The following SMAD9 variants were observed in gnomAD, a reference collection of about 807,000 sequenced individuals.
SMAD9 encodes the protein SMAD family member 9, also known as MAD homolog 9.
In SMAD9, 36 loss-of-function variants were observed where a neutral mutation model predicts 46.1. The observed-to-expected ratio is 0.78, with a 90% CI of 0.60 to 1.03. The LOEUF (loss-of-function observed/expected upper bound fraction) is 1.03, where lower values mean the gene tolerates loss of function less well. SMAD9 is among the 50% of genes least tolerant of loss of function. SMAD9 has a pLI of 0.00. For synonymous variants in SMAD9, 245 were observed against 237.1 expected, an observed-to-expected ratio of 1.03 and a Z score of -0.31; for missense variants, 572 against 599.8, an observed-to-expected ratio of 0.95 and a Z score of 0.48.
intron 5 of SMAD9, among the ~76,000 whole-genome samples, chr13:36,856,310 C>T (rs1394908369): frequency 6.6e-6 from 1 of 152,182 alleles, no homozygotes; most frequent in Non-Finnish European, 1.5e-5. Flanking sequence ...CCTCTCAAAA[C>T]CTATTACATA....
intron 5 of SMAD9, among the ~76,000 whole-genome samples, chr13:36,861,209 C>A (rs1175104618): frequency 6.6e-6 from 1 of 152,254 alleles, no homozygotes; most frequent in African/African-American, 2.4e-5. Context: ...TTTAGCAGGG[C>A]CAGCCATTTA....
At position 36,886,064 on chromosome 13, in the gene SMAD9, A is replaced by G. The variant is rs1283826370; in HGVS notation, c.-186-6189T>C. Among the ~76,000 whole-genome samples, 7 of 152,314 alleles carry G rather than the reference A, an allele frequency of 4.6e-5. No individual in the cohort carries two copies. The East Asian group carries it at 9.7e-4, about 21-fold the overall frequency. On this transcript the variant is annotated intron_variant, in intron 1 of 6. Coordinates refer to ENST00000379826, the MANE Select transcript of SMAD9 (RefSeq NM_001127217.3). ...CCAACGCATATTGACTATCTTCATG[A>G]TAAGTGCCTTAAGTACATTTACTCA...
At chr13:36,867,543 T>C (rs1300969982) in intron 3 of SMAD9, among the ~76,000 whole-genome samples, 160 bp from the exon 4 acceptor site, 4 of 152,206 alleles carry the variant, frequency 2.6e-5, no homozygotes, top group African/African-American at 9.6e-5. Context: ...GAAGTGACAC[T>C]GTGAGTACCC....
chr13:36,866,182 C>A (rs2058232639), intron 4 of SMAD9, among the ~76,000 whole-genome samples: 1 of 151,418 alleles, frequency 6.6e-6, no homozygotes, highest in Admixed American at 6.6e-5. Context: ...ATCCTTGTGG[C>A]AAAAAGTATC....
chr13:36,857,203 C>T (rs1305957383), intron 5 of SMAD9, among the ~76,000 whole-genome samples: 1 of 121,522 alleles, frequency 8.2e-6, no homozygotes, highest in Non-Finnish European at 1.6e-5. Flanking sequence ...TTAAAAGAGA[C>T]ATCACACCTG....
chr13:36,883,300 G>A (rs1165045737), intron 1 of SMAD9, among the ~76,000 whole-genome samples: 1 of 152,114 alleles, frequency 6.6e-6, no homozygotes, highest in Non-Finnish European at 1.5e-5. Context: ...CAGGAGGGGC[G>A]ATTAATATTT....
chr13:36,881,422 T>C (rs1393485529), intron 1 of SMAD9, among the ~76,000 whole-genome samples: 1 of 152,254 alleles, frequency 6.6e-6, no homozygotes, highest in Non-Finnish European at 1.5e-5. Context: ...AAGCTGTACC[T>C]TTCTGAGTCC....
chr13:36,878,728 GTTGTTTGGGGCGGGGGGAGGA>G (rs921749105), intron 2 of SMAD9, among the ~76,000 whole-genome samples: 10 of 152,010 alleles, frequency 6.6e-5, no homozygotes, highest in Non-Finnish European at 1.0e-4. Flanking sequence ...GTTCAGTTCA[GTTGTTTGGGGCGGGGGGAGGA>G]GGATGTTTAA....
Position 36,879,472 on chromosome 13 carries a change from C to CG in SMAD9, c.217dup (p.Arg73ProfsTer42). On this transcript the variant is annotated frameshift_variant, in exon 2 of 7. Transcript: ENST00000379826. LOFTEE classifies it high-confidence loss of function. ...CACCTGCAGCCGCCCGTCCAGGGAG[C>CG]GGGGAATCGTGACGCATTTGCTGGG... 3 of 1,613,788 alleles carry CG rather than the reference C, an allele frequency of 1.9e-6. No individual in the cohort carries two copies. The highest frequency in any genetic ancestry group is 2.5e-6 in the Non-Finnish European group (3 of 1,180,008).
chr13:36,900,752 TTA>T (rs1329989867), intron 1 of SMAD9, among the ~76,000 whole-genome samples: 3 of 151,664 alleles, frequency 2.0e-5, no homozygotes, highest in African/African-American at 7.3e-5. Context: ...TTTACTTATT[TTA>T]AAAAAATTAT....
intron 5 of SMAD9, among the ~76,000 whole-genome samples, chr13:36,855,367 G>T (rs76558538): frequency 1.3e-5 from 2 of 151,484 alleles, no homozygotes; most frequent in Non-Finnish European, 2.9e-5. Flanking sequence ...CTGGGTTTGA[G>T]ATTTAATATA....
chr13:36,919,894 A>AAGCCTCACGCCGAGG (rs1481432023), intron 1 of SMAD9, among the ~76,000 whole-genome samples: 1 of 137,284 alleles, frequency 7.3e-6, no homozygotes, highest in South Asian at 2.4e-4. Context: ...GCCAAAAGCC[A>AAGCCTCACGCCGAGG]AGCCTCACGC....
intron 1 of SMAD9, among the ~76,000 whole-genome samples, chr13:36,917,381 T>C (rs1019633045): frequency 1.3e-5 from 2 of 149,742 alleles, no homozygotes; most frequent in African/African-American, 4.9e-5. Flanking sequence ...GTTAAGTACT[T>C]ATGCATTTAC....
chr13:36,887,040 GTTTTTTT>G (rs200264324), intron 1 of SMAD9, among the ~76,000 whole-genome samples: 19 of 102,550 alleles, frequency 1.9e-4, no homozygotes, highest in South Asian at 7.1e-4. Flanking sequence ...CTTTGAATGG[GTTTTTTT>G]TTTTTTTTTT....
At chr13:36,901,011 A>G (rs1034649538) in intron 1 of SMAD9, among the ~76,000 whole-genome samples, 3 of 152,208 alleles carry the variant, frequency 2.0e-5, no homozygotes, top group Non-Finnish European at 2.9e-5. Flanking sequence ...AATTGTTCAC[A>G]TAAATGAAAC....
chr13:36,903,629 T>G (rs550546593), intron 1 of SMAD9, among the ~76,000 whole-genome samples: 1 of 152,092 alleles, frequency 6.6e-6, no homozygotes, highest in Non-Finnish European at 1.5e-5. Context: ...AGAGAGAAAA[T>G]AGCTTTTGCA....
chr13:36,902,658 A>C (rs2058586453), intron 1 of SMAD9, among the ~76,000 whole-genome samples: 1 of 151,988 alleles, frequency 6.6e-6, no homozygotes, highest in South Asian at 2.1e-4. Flanking sequence ...GGGTTTCACC[A>C]TGTTGGCCAG....
intron 6 of SMAD9, among the ~76,000 whole-genome samples, chr13:36,852,701 C>T (rs1340860896): frequency 6.6e-6 from 1 of 152,128 alleles, no homozygotes; most frequent in Non-Finnish European, 1.5e-5. Context: ...ATATTATCTC[C>T]TCCATGTGCC....
chr13:36,884,870 T>C (rs924320025), intron 1 of SMAD9, among the ~76,000 whole-genome samples: 1 of 152,224 alleles, frequency 6.6e-6, no homozygotes, highest in African/African-American at 2.4e-5. Context: ...TTTGGGTCAA[T>C]GTGGCCAAGG....
Sources: allele counts gnomAD v4.1 joint callset (sites outside exome capture counted in the v4.1 genomes callset), GRCh38; gene constraint gnomAD v4.1.1; transcripts MANE v1.5; gene names NCBI Gene and HGNC (gene_info 2026-07-23, HGNC 2026-07-21).